The following TM9SF2 variants were observed in gnomAD, a reference collection of about 807,000 sequenced individuals.
TM9SF2 encodes transmembrane 9 superfamily member 2, also known as 76 kDa membrane protein.
In TM9SF2, 13 loss-of-function variants were observed where a neutral mutation model predicts 84.9. The observed-to-expected ratio is 0.15, with a 90% CI of 0.10 to 0.24. TM9SF2 has a LOEUF of 0.24. TM9SF2 is among the 10% of genes least tolerant of loss of function. The probability of loss-of-function intolerance (pLI) is 1.00; values close to 1 mark genes in which losing one functional copy is unlikely to be tolerated. For missense variants in TM9SF2, 562 were observed against 818.5 expected (o/e 0.69, Z 3.82); for synonymous variants, 273 against 285.8 (o/e 0.96, Z 0.45).
At chr13:99,509,268 A>G (rs760366025) in intron 1 of TM9SF2, among the ~76,000 whole-genome samples, 20 of 152,150 alleles carry the variant, frequency 1.3e-4, no homozygotes, top group Non-Finnish European at 2.5e-4. Context: ...TGAATCTACT[A>G]TTCTGGAGTC....
rs541800450 is a variant in TM9SF2 at position 99,527,927 on chromosome 13, A to G, written c.334-1540A>G. 7.9e-5 allele frequency among the ~76,000 whole-genome samples: 12 copies of G among 152,320 alleles called. 1 individual carries two copies. The highest frequency in any genetic ancestry group is 4.1e-4 in the South Asian group (2 of 4,824). ...ACGCAGCTTTCCCTGGTCTCCTAAC[A>G]AGATGGAGTTGACTCGTACCCAGGT... On this transcript the variant is annotated intron_variant, in intron 3 of 16. Coordinates refer to ENST00000376387, the MANE Select transcript of TM9SF2 (RefSeq NM_004800.3).
intron 3 of TM9SF2, among the ~76,000 whole-genome samples, chr13:99,522,466 G>C (rs1465260090): frequency 1.3e-5 from 2 of 152,238 alleles, no homozygotes; most frequent in Non-Finnish European, 1.5e-5. Flanking sequence ...GGGTGCCATT[G>C]AGCAGGGCAG....
At chr13:99,524,827 G>A (rs2046175088) in intron 3 of TM9SF2, among the ~76,000 whole-genome samples, 1 of 151,972 alleles carries the variant, frequency 6.6e-6, no homozygotes, top group South Asian at 2.1e-4. Context: ...GCCTCCCAAA[G>A]TGCTGGAATT....
intron 6 of TM9SF2, among the ~76,000 whole-genome samples, chr13:99,538,408 A>G (rs1410842658): frequency 6.6e-6 from 1 of 151,486 alleles, no homozygotes; most frequent in Non-Finnish European, 1.5e-5. Flanking sequence ...TTTTTCTGCC[A>G]TTGAATTAGC....
At chr13:99,503,709 C>CAAAAAAAA (rs386380419) in intron 1 of TM9SF2, among the ~76,000 whole-genome samples, 11 of 78,460 alleles carry the variant, frequency 1.4e-4, no homozygotes, top group Non-Finnish European at 2.3e-4. Flanking sequence ...GACTTTGTCT[C>CAAAAAAAA]AAAAAAAAAA....
In TM9SF2 at chr13:99,559,771, G is replaced by A. The variant is rs913096554; in HGVS notation, c.1924+237G>A. On this transcript the variant is annotated intron_variant, in intron 16 of 16. Coordinates refer to ENST00000376387, the MANE Select transcript of TM9SF2 (RefSeq NM_004800.3). Reference sequence around the variant, plus strand: ...ATAATTGTGGTAAAGGTTCAGGGACGCATGGGCCAGTACAGCTCATGGTTT... The same window carrying A: ...ATAATTGTGGTAAAGGTTCAGGGACACATGGGCCAGTACAGCTCATGGTTT... Among the ~76,000 whole-genome samples the A allele has an allele frequency of 2.0e-5, 3 of 151,776 alleles. 1 individual carries two copies. In the South Asian group the frequency reaches 6.2e-4, roughly 32 times the overall value.
chr13:99,510,560 C>T (rs1044186528), intron 1 of TM9SF2, among the ~76,000 whole-genome samples: 8 of 152,080 alleles, frequency 5.3e-5, no homozygotes, highest in African/African-American at 1.7e-4. Context: ...CAGGAGCAGG[C>T]GTGTCATATG....
At chr13:99,527,632 G>A (rs1401775700) in intron 3 of TM9SF2, among the ~76,000 whole-genome samples, 1 of 152,180 alleles carries the variant, frequency 6.6e-6, no homozygotes, top group African/African-American at 2.4e-5. Context: ...CAATCCTGAT[G>A]GTCTCAGGCT....
intron 15 of TM9SF2, among the ~76,000 whole-genome samples, chr13:99,557,229 G>A (rs965917669): frequency 3.9e-5 from 6 of 152,142 alleles, no homozygotes; most frequent in Non-Finnish European, 7.3e-5. Flanking sequence ...AGCTGTCTTC[G>A]TGGGTGTGAA....
At chr13:99,521,765 G>A (rs961625884) in intron 3 of TM9SF2, among the ~76,000 whole-genome samples, 3 of 151,896 alleles carry the variant, frequency 2.0e-5, no homozygotes, top group Non-Finnish European at 4.4e-5. Flanking sequence ...GGAGTGACGT[G>A]GCACAATCAT....
intron 1 of TM9SF2, among the ~76,000 whole-genome samples, chr13:99,509,211 T>C (rs2139070412): frequency 6.6e-6 from 1 of 152,292 alleles, no homozygotes; most frequent in South Asian, 2.1e-4. Flanking sequence ...TTCTCACAGG[T>C]TGTTCAGTGC....
chr13:99,535,360 G>T (rs1004872198), intron 4 of TM9SF2, among the ~76,000 whole-genome samples: 21 of 152,092 alleles, frequency 1.4e-4, no homozygotes, highest in Non-Finnish European at 2.1e-4. Flanking sequence ...TTTCCCTCCA[G>T]TATGGTAGCA....
At chr13:99,532,295 C>A (rs549559347) in intron 4 of TM9SF2, among the ~76,000 whole-genome samples, 1 of 152,116 alleles carries the variant, frequency 6.6e-6, no homozygotes, top group Admixed American at 6.5e-5. Flanking sequence ...CGTGATCCGC[C>A]CGCCTCTGCC....
At chr13:99,549,030 A>G (rs1354913835) in intron 11 of TM9SF2, 135 bp from the exon 12 acceptor site, 4 of 636,714 alleles carry the variant, frequency 6.3e-6, no homozygotes, top group African/African-American at 1.9e-5. Context: ...ATCATATTAT[A>G]TTTGCTAGTA....
intron 12 of TM9SF2, among the ~76,000 whole-genome samples, chr13:99,551,241 A>G (rs758950102): frequency 1.5e-4 from 23 of 152,236 alleles, no homozygotes; most frequent in Admixed American, 5.2e-4. Context: ...GAAATTTGCC[A>G]TGTTTCTTAA....
chr13:99,503,007 A>G (rs539583633), intron 1 of TM9SF2, among the ~76,000 whole-genome samples: 1 of 152,340 alleles, frequency 6.6e-6, no homozygotes, highest in East Asian at 1.9e-4. Flanking sequence ...ATCTAAGGAT[A>G]TTTAAGGTTT....
At chr13:99,519,370 G>A (rs1029953669) in intron 2 of TM9SF2, among the ~76,000 whole-genome samples, 2 of 151,152 alleles carry the variant, frequency 1.3e-5, no homozygotes, top group Non-Finnish European at 2.9e-5. Flanking sequence ...TTACTGTACT[G>A]ATCTCAGATA....
chr13:99,556,837 C>T (rs1272881290), intron 15 of TM9SF2, among the ~76,000 whole-genome samples: 6 of 152,142 alleles, frequency 3.9e-5, no homozygotes, highest in African/African-American at 9.7e-5. Flanking sequence ...CCGCCTGCCT[C>T]GGCCTCCCAA....
chr13:99,545,568 T>C (rs1304308212), intron 10 of TM9SF2, among the ~76,000 whole-genome samples: 1 of 149,872 alleles, frequency 6.7e-6, no homozygotes, highest in Non-Finnish European at 1.5e-5. Flanking sequence ...TCTGCTTTCT[T>C]TCTTTCTTTT....
Sources: gnomAD v4.1 joint callset for allele counts (sites outside exome capture counted in the v4.1 genomes callset) on GRCh38, gnomAD v4.1.1 for gene constraint, MANE v1.5 for transcripts, NCBI Gene and HGNC (gene_info 2026-07-23, HGNC 2026-07-21) for gene names.